The following EXOC4 variants were observed in gnomAD, a reference collection of about 807,000 sequenced individuals.
EXOC4 encodes SEC8-like 1.
A neutral mutation model predicts 107.2 loss-of-function variants in EXOC4; 71 were observed. That is an observed-to-expected ratio of 0.66 (90% confidence interval 0.55 to 0.81). The LOEUF (loss-of-function observed/expected upper bound fraction) is 0.81. EXOC4 is among the 30% of genes least tolerant of loss of function. The probability of loss-of-function intolerance (pLI) is 0.00; values close to 1 mark genes in which losing one functional copy is unlikely to be tolerated. For missense variants in EXOC4, 1,108 were observed against 1,189.6 expected, an observed-to-expected ratio of 0.93 and a Z score of 1.01; for synonymous variants, 456 against 441.2, an observed-to-expected ratio of 1.03 and a Z score of -0.42.
chr7:133,498,974 G>A (rs1339530969), intron 9 of EXOC4, among the ~76,000 whole-genome samples: 2 of 151,814 alleles, frequency 1.3e-5, no homozygotes, highest in Admixed American at 1.3e-4. Context: ...TTAAGATAAC[G>A]TTCTCTGTAT....
At chr7:133,782,048 G>A (rs1221267878) in intron 10 of EXOC4, among the ~76,000 whole-genome samples, 2 of 152,124 alleles carry the variant, frequency 1.3e-5, no homozygotes, top group African/African-American at 4.8e-5. Flanking sequence ...CAACCAAGTG[G>A]GGTCAGTGTC....
chr7:133,296,781 C>T (rs898610420), intron 3 of EXOC4, among the ~76,000 whole-genome samples: 2 of 151,928 alleles, frequency 1.3e-5, no homozygotes, highest in African/African-American at 4.8e-5. Context: ...CTAAAGCCTA[C>T]GAGGTTCAGC....
At chr7:133,598,355 T>A (rs1462823362) in intron 9 of EXOC4, among the ~76,000 whole-genome samples, 1 of 152,204 alleles carries the variant, frequency 6.6e-6, no homozygotes, top group Non-Finnish European at 1.5e-5. Flanking sequence ...CTTTGTCCTT[T>A]TGAAAGCTGT....
intron 11 of EXOC4, among the ~76,000 whole-genome samples, chr7:133,853,289 C>A (rs1798273516): frequency 6.6e-6 from 1 of 151,168 alleles, no homozygotes. Context: ...GTTTGTCTGT[C>A]CCTCGCCCTC....
chr7:133,481,545 A>G (rs1163800365), intron 9 of EXOC4, among the ~76,000 whole-genome samples: 2 of 152,166 alleles, frequency 1.3e-5, no homozygotes, highest in Non-Finnish European at 2.9e-5. Context: ...GTCATTCCTA[A>G]CTTCACCTTT....
chr7:133,407,230 G>A (rs2150740212), intron 7 of EXOC4, among the ~76,000 whole-genome samples: 1 of 152,182 alleles, frequency 6.6e-6, no homozygotes, highest in Middle Eastern at 3.4e-3. Flanking sequence ...AATCCTGTTA[G>A]GTTAGTTTAA....
intron 9 of EXOC4, among the ~76,000 whole-genome samples, chr7:133,582,762 A>G (rs947785274): frequency 1.3e-5 from 2 of 152,234 alleles, no homozygotes; most frequent in Non-Finnish European, 2.9e-5. Context: ...ACCGAAACAA[A>G]TCACAAGGAC....
At chr7:133,559,310 A>G (rs1800763970) in intron 9 of EXOC4, among the ~76,000 whole-genome samples, 1 of 151,900 alleles carries the variant, frequency 6.6e-6, no homozygotes, top group African/African-American at 2.4e-5. Context: ...TGGTTTTTAA[A>G]TTTTCTTTGG....
chr7:134,069,146 G>A (rs982915367), downstream of EXOC4, among the ~76,000 whole-genome samples: 5 of 152,026 alleles, frequency 3.3e-5, no homozygotes, highest in African/African-American at 1.2e-4. Flanking sequence ...GGAAGCTTAG[G>A]ACTCTCACGA....
At chr7:133,384,225 C>G (rs1250913726) in intron 7 of EXOC4, among the ~76,000 whole-genome samples, 1 of 152,100 alleles carries the variant, frequency 6.6e-6, no homozygotes, top group African/African-American at 2.4e-5. Flanking sequence ...AAAATAGTAG[C>G]TTGGCAGGGG....
At chr7:133,754,507 G>T (rs1440379103) in intron 10 of EXOC4, among the ~76,000 whole-genome samples, 1 of 152,066 alleles carries the variant, frequency 6.6e-6, no homozygotes, top group Non-Finnish European at 1.5e-5. Context: ...AAGAGAACTG[G>T]GTGACACTTT....
chr7:133,393,693 CATCT>C (rs761753390), intron 7 of EXOC4, among the ~76,000 whole-genome samples: 31 of 152,144 alleles, frequency 2.0e-4, no homozygotes, highest in Non-Finnish European at 2.6e-4. Flanking sequence ...AGAATATGGC[CATCT>C]ATGAAACAGG....
At chr7:133,469,247 C>G (rs1418781093) in intron 7 of EXOC4, among the ~76,000 whole-genome samples, 1 of 152,120 alleles carries the variant, frequency 6.6e-6, no homozygotes, top group African/African-American at 2.4e-5. Context: ...GAAACCCCAT[C>G]TCTACTAAAA....
chr7:133,473,787 G>A (rs1439912665), intron 7 of EXOC4, among the ~76,000 whole-genome samples: 2 of 151,700 alleles, frequency 1.3e-5, no homozygotes, highest in East Asian at 1.9e-4. Flanking sequence ...TGCAAGCTCC[G>A]CCTCCTGGGT....
chr7:134,043,903 A>G (rs1161293370), intron 17 of EXOC4, among the ~76,000 whole-genome samples: 1 of 152,206 alleles, frequency 6.6e-6, no homozygotes, highest in Non-Finnish European at 1.5e-5. Flanking sequence ...TCCCCAACAC[A>G]GCCTCTACAG....
intron 10 of EXOC4, among the ~76,000 whole-genome samples, chr7:133,660,492 T>A (rs1803413993): frequency 6.6e-6 from 1 of 152,144 alleles, no homozygotes; most frequent in South Asian, 2.1e-4. Context: ...GTGGAAGACT[T>A]CTTGATAACA....
At chr7:133,778,018 T>A (rs931906870) in intron 10 of EXOC4, among the ~76,000 whole-genome samples, 3 of 152,210 alleles carry the variant, frequency 2.0e-5, no homozygotes, top group African/African-American at 7.2e-5. Flanking sequence ...GTCTTCCATT[T>A]TTTAAAAAAA....
At chr7:133,721,595 G>A (rs1025518963) in intron 10 of EXOC4, among the ~76,000 whole-genome samples, 4 of 152,180 alleles carry the variant, frequency 2.6e-5, no homozygotes, top group Non-Finnish European at 5.9e-5. Flanking sequence ...TTGAATCTTT[G>A]TGGTCAACCA....
intron 9 of EXOC4, among the ~76,000 whole-genome samples, chr7:133,549,664 G>A (rs1055719586): frequency 6.6e-6 from 1 of 152,108 alleles, no homozygotes. Context: ...ACCTATAAAC[G>A]TTCTGGGTAC....
Sources: allele counts gnomAD v4.1 joint callset (sites outside exome capture counted in the v4.1 genomes callset), GRCh38; gene constraint gnomAD v4.1.1; transcripts MANE v1.5; gene names NCBI Gene and HGNC (gene_info 2026-07-23, HGNC 2026-07-21).